BUB1: variants seen among roughly 807,000 people sequenced by gnomAD.
BUB1 encodes the protein mitotic checkpoint serine/threonine-protein kinase BUB1.
A neutral mutation model predicts 135.2 loss-of-function variants in BUB1; 84 were observed. The observed-to-expected ratio is 0.62, with a 90% confidence interval of 0.52 to 0.74. The LOEUF (loss-of-function observed/expected upper bound fraction) is 0.74. Among genes scored for constraint, BUB1 ranks in the 30% least tolerant of loss-of-function variants. The pLI is 0.00. For missense variants in BUB1, 1,162 were observed against 1,288.3 expected, an observed-to-expected ratio of 0.90 and a Z score of 1.50; for synonymous variants, 403 against 434.4, an observed-to-expected ratio of 0.93 and a Z score of 0.90.
At chr2:110,649,002 T>C in intron 19 of BUB1, 1 of 341,510 alleles carries the variant, frequency 2.9e-6, no homozygotes, top group East Asian at 4.5e-5. Flanking sequence ...TTAATTTTAA[T>C]AGATATTGGC....
At chr2:110,671,504 T>C (rs533188403) in intron 4 of BUB1, among the ~76,000 whole-genome samples, 1 of 152,296 alleles carries the variant, frequency 6.6e-6, no homozygotes, top group South Asian at 2.1e-4. Flanking sequence ...ACTGAAAAGA[T>C]GAGTATATTA....
chr2:110,665,992 T>C (rs1266339525), intron 9 of BUB1: 5 of 296,454 alleles, frequency 1.7e-5, no homozygotes, highest in Non-Finnish European at 2.4e-5. Flanking sequence ...ATAGTCACTG[T>C]ACAAAAACCA....
In BUB1 at chr2:110,660,711, C is replaced by T. The variant is rs149801370; in HGVS notation, c.1218-675G>A. On this transcript the variant is annotated intron_variant, in intron 10 of 24. Coordinates refer to ENST00000302759, the MANE Select transcript of BUB1 (RefSeq NM_004336.5). ...ATTACAGAGGTTAAAGAGTTGAGCC[C>T]GGCTCCAGGCAGCTAACCAGAGTCA... Among the ~76,000 whole-genome samples, 24 of 152,236 alleles carry T rather than the reference C, an allele frequency of 1.6e-4. 1 individual carries two copies. The East Asian group carries it at 4.4e-3, about 28-fold the overall frequency.
chr2:110,655,637 G>A (rs541419729), intron 16 of BUB1, 102 bp downstream of exon 16: 1 of 1,129,450 alleles, frequency 8.9e-7, no homozygotes, highest in East Asian at 2.4e-5. Flanking sequence ...AAGTTCCCAT[G>A]TGGAATTTCC....
intron 13 of BUB1, 64 bp from the exon 14 acceptor site, chr2:110,657,709 C>T (rs1323507489): frequency 8.5e-7 from 1 of 1,173,128 alleles, no homozygotes; most frequent in Non-Finnish European, 1.2e-6. Context: ...TTATATTAAA[C>T]TTCAACTACA....
At chr2:110,672,554 A>G in intron 4 of BUB1, 107 bp downstream of exon 4, 1 of 1,259,556 alleles carries the variant, frequency 7.9e-7, no homozygotes, top group Non-Finnish European at 1.1e-6. Context: ...CACATTGTCC[A>G]AAACTAGAAG....
intron 9 of BUB1, among the ~76,000 whole-genome samples, chr2:110,662,176 A>G (rs1690118814): frequency 6.6e-6 from 1 of 152,268 alleles, no homozygotes; most frequent in Admixed American, 6.5e-5. Context: ...TCGACAAATC[A>G]GTGTTATCAA....
At chr2:110,676,708 T>C (rs768654341) in intron 1 of BUB1, 2 of 152,192 alleles carry the variant, frequency 1.3e-5, no homozygotes, top group South Asian at 2.1e-4. Flanking sequence ...CGTATATATA[T>C]ACTGTTATAT....
chr2:110,670,251 G>A (rs574090962), intron 5 of BUB1, among the ~76,000 whole-genome samples: 84 of 146,130 alleles, frequency 5.7e-4, no homozygotes, highest in Non-Finnish European at 1.1e-3. Flanking sequence ...CAATTCTCCT[G>A]CCTCAGCCTC....
intron 1 of BUB1, 99 bp downstream of exon 1, chr2:110,677,871 G>A: frequency 7.2e-7 from 1 of 1,395,352 alleles, no homozygotes. Flanking sequence ...CAGGAAGGGG[G>A]CGAAGGGGGC....
intron 1 of BUB1, among the ~76,000 whole-genome samples, chr2:110,676,810 T>G (rs1018148906): frequency 1.3e-5 from 2 of 151,976 alleles, no homozygotes; most frequent in African/African-American, 4.8e-5. Context: ...AAAAAGAAAC[T>G]AGAAAAACGG....
At chr2:110,641,982 T>G in intron 20 of BUB1, 137 bp downstream of exon 20, 1 of 1,006,196 alleles carries the variant, frequency 9.9e-7, no homozygotes, top group South Asian at 1.8e-5. Flanking sequence ...TCTAAATCTT[T>G]TGTAGTTTTT....
chr2:110,662,199 G>A (rs1690119337), intron 9 of BUB1, among the ~76,000 whole-genome samples: 1 of 152,154 alleles, frequency 6.6e-6, no homozygotes, highest in South Asian at 2.1e-4. Context: ...GCTCATTACG[G>A]TTTTCCTCCC....
In BUB1 at chr2:110,641,284, C is replaced by T. The variant is rs777410203; in HGVS notation, c.2783+23G>A. The T allele has an allele frequency of 3.1e-6, 5 of 1,593,150 alleles. No individual in the cohort carries two copies. In the South Asian group the frequency reaches 4.6e-5, roughly 15 times the overall value. On this transcript the variant is annotated intron_variant, in intron 22 of 24. Coordinates refer to ENST00000302759, the MANE Select transcript of BUB1 (RefSeq NM_004336.5). The stretch of plus-strand genomic sequence containing the variant: ...GCTATGGAAATAGGAAGAGAAGAAC[C>T]CTGTTAAAAGCATAACACTTGCCCG...
chr2:110,639,199 G>A, intron 24 of BUB1, among the ~76,000 whole-genome samples: 1 of 151,980 alleles, frequency 6.6e-6, no homozygotes. Context: ...AAGAGCTCTT[G>A]CCTAATCATG....
At chr2:110,644,844 T>C (rs1021444836) in intron 19 of BUB1, among the ~76,000 whole-genome samples, 10 of 152,162 alleles carry the variant, frequency 6.6e-5, no homozygotes, top group Non-Finnish European at 1.0e-4. Context: ...ATAAAAATTT[T>C]CTTACACAAG....
At chr2:110,642,773 C>T (rs1404808577) in intron 19 of BUB1, 1 of 152,498 alleles carries the variant, frequency 6.6e-6, no homozygotes, top group Non-Finnish European at 1.5e-5. Flanking sequence ...CTCACTCCAG[C>T]TTTGACCTCC....
chr2:110,645,365 C>T (rs1164974781), intron 19 of BUB1, among the ~76,000 whole-genome samples: 6 of 150,142 alleles, frequency 4.0e-5, no homozygotes, highest in Non-Finnish European at 8.9e-5. Context: ...ACCTGGGAGG[C>T]GGAGGTGGCA....
At chr2:110,638,603 T>C (rs1574311626) in intron 24 of BUB1, among the ~76,000 whole-genome samples, 1 of 152,208 alleles carries the variant, frequency 6.6e-6, no homozygotes, top group African/African-American at 2.4e-5. Flanking sequence ...CCAACTACTA[T>C]AATTGTTAAA....
Sources: allele counts gnomAD v4.1 joint callset (sites outside exome capture counted in the v4.1 genomes callset), GRCh38; gene constraint gnomAD v4.1.1; transcripts MANE v1.5; gene names NCBI Gene and HGNC (gene_info 2026-07-23, HGNC 2026-07-21).